The following QSOX2 variants were observed in gnomAD, a reference collection of about 807,000 sequenced individuals.
QSOX2 encodes sulfhydryl oxidase 2.
Under a neutral mutation model 61.7 loss-of-function variants are expected in QSOX2, and 46 were observed. The ratio of observed to expected loss-of-function variants is 0.75; its 90% confidence interval spans 0.59 to 0.95. The LOEUF is 0.95. QSOX2 is among the 40% of genes least tolerant of loss of function. QSOX2 has a pLI of 0.00. For synonymous variants in QSOX2, 383 were observed against 388.4 expected, an observed-to-expected ratio of 0.99 and a Z score of 0.16; for missense variants, 879 against 918.9, an observed-to-expected ratio of 0.96 and a Z score of 0.56.
rs1554756768 is a variant in QSOX2 at position 136,223,986 on chromosome 9, C to A, written c.584+21G>T. ...AGTTCAACACGAGTCTAACGGCCGC[C>A]TTCTTCATGGAGCTACTCACTGAAT... On this transcript the variant is annotated intron_variant, in intron 4 of 11. Transcript: ENST00000358701. This position sits in a 1 kb window ranked among gnomAD's most constrained non-coding sequence, Gnocchi z 4.4. The A allele has an allele frequency of 6.2e-7, 1 of 1,606,640 alleles. No individual in the cohort carries two copies. The highest frequency in any genetic ancestry group is 8.5e-7 in the Non-Finnish European group (1 of 1,173,704).
chr9:136,216,498 C>A (rs540659633), intron 9 of QSOX2, 102 bp downstream of exon 9: 133 of 1,486,720 alleles, frequency 8.9e-5, no homozygotes, highest in African/African-American at 3.3e-4. Context: ...TTCCTCACAG[C>A]GGAGCCCGGG....
Position 136,245,452 on chromosome 9 carries a change from TC to T in QSOX2, c.328+23del, listed in dbSNP as rs1564300470. The T allele has an allele frequency of 1.9e-6, 3 of 1,554,720 alleles. No homozygotes were observed. The African/African-American group carries it at 4.2e-5, about 22-fold the overall frequency. Reference sequence around the variant, plus strand: ...GGCCGCGGTCCCGGGGGTCGGGGGGTCCCCGCGCGGGGGCGCGCCTCACCTC... The same window carrying T: ...GGCCGCGGTCCCGGGGGTCGGGGGGTCCCGCGCGGGGGCGCGCCTCACCTC... On this transcript the variant is annotated intron_variant, in intron 1 of 11. Transcript: ENST00000358701.
intron 3 of QSOX2, among the ~76,000 whole-genome samples, chr9:136,224,388 T>C (rs1027298720): frequency 7.2e-5 from 11 of 152,122 alleles, no homozygotes; most frequent in African/African-American, 2.4e-4. Context: ...GACACGGCAC[T>C]GCGAGGAGCA....
rs1002124914 is a variant in QSOX2, at chr9:136,208,380, C to T, written c.*348G>A. The T allele has an allele frequency of 4.5e-5, 8 of 179,568 alleles. No individual in the cohort carries two copies. The highest frequency in any genetic ancestry group is 1.9e-4 in the African/African-American group (8 of 42,102). 11.1% of individuals were successfully genotyped at this position (179,568 alleles called of 1,614,324 possible). A position where few individuals can be genotyped will look rare whatever the true frequency, so the allele number is the denominator to read the frequency against. On this transcript the variant is annotated 3_prime_UTR_variant, in exon 12 of 12. Coordinates refer to ENST00000358701, the MANE Select transcript of QSOX2 (RefSeq NM_181701.4). Reference sequence around the variant, plus strand: ...GCAGGATGGGGCGGAGTGGAGGAAACGAGATGAAAGTGTGTGGGGAAGACT... The same window carrying T: ...GCAGGATGGGGCGGAGTGGAGGAAATGAGATGAAAGTGTGTGGGGAAGACT...
intron 6 of QSOX2, among the ~76,000 whole-genome samples, chr9:136,220,399 C>A (rs1020549776): frequency 1.3e-5 from 2 of 152,238 alleles, no homozygotes; most frequent in African/African-American, 4.8e-5. Context: ...ATGCCCCAGT[C>A]GATCTTTGAG....
chr9:136,227,866 C>T (rs151075544), intron 1 of QSOX2, among the ~76,000 whole-genome samples: 1 of 152,170 alleles, frequency 6.6e-6, no homozygotes, highest in Non-Finnish European at 1.5e-5. Context: ...GCGGTCCCAG[C>T]TACTGGAGAG....
At position 136,210,501 on chromosome 9, in the gene QSOX2, C is replaced by G. The variant is rs927654934; in HGVS notation, c.1549+763G>C. The G allele has an allele frequency of 3.0e-6, 3 of 985,284 alleles. No homozygotes were observed. In the African/African-American group the frequency reaches 5.2e-5, roughly 17 times the overall value. The allele number at this position is 985,284 out of a possible 1,614,324, so 61.0% of individuals were successfully genotyped here. On this transcript the variant is annotated intron_variant, in intron 11 of 11. Transcript: ENST00000358701. Reference sequence around the variant, plus strand: ...AAAGCACAGGGAGCTCTGTGGGCGGCGGCGATGCAGAGGCTGCCAGGGCGG... The same window carrying G: ...AAAGCACAGGGAGCTCTGTGGGCGGGGGCGATGCAGAGGCTGCCAGGGCGG...
intron 1 of QSOX2, among the ~76,000 whole-genome samples, chr9:136,237,497 ACACCTGGAGCCCGTCCTGTGCCG>A (rs1830396781): frequency 3.2e-5 from 2 of 63,132 alleles, no homozygotes; most frequent in Admixed American, 4.6e-4. Context: ...TGTGCCGGCG[ACACCTGGAGCCCGTCCTGTGCCG>A]GCGACACCTG....
chr9:136,219,014 C>G lies in QSOX2; in HGVS notation c.956+16G>C, dbSNP rs765792193. 6.8e-6 allele frequency: 11 copies of G among 1,613,680 alleles called. No individual in the cohort carries two copies. The Admixed American group carries it at 1.8e-4, about 27-fold the overall frequency. On this transcript the variant is annotated intron_variant, in intron 7 of 11. Coordinates refer to ENST00000358701, the MANE Select transcript of QSOX2 (RefSeq NM_181701.4). ...CGCACTGTCTCCGGGGGCTTCAGTTCAAGAGGAACACTTGCTTGTCAAATT... is the reference window on the plus strand; with the variant it reads ...CGCACTGTCTCCGGGGGCTTCAGTTGAAGAGGAACACTTGCTTGTCAAATT...
rs561233389 is a variant in QSOX2 at position 136,224,932 on chromosome 9, A to T, written c.430-23T>A. 1.3e-4 allele frequency: 211 copies of T among 1,587,774 alleles called. 1 individual carries two copies. The South Asian group carries it at 2.3e-3, about 17-fold the overall frequency. ...ATACTAAGAGGAAAAACACAGAACA[A>T]GTAAGAGGCAGCCTTCCATGGGCAT... On this transcript the variant is annotated intron_variant, in intron 2 of 11. Transcript: ENST00000358701.
Position 136,223,886 on chromosome 9 carries a change from C to A in QSOX2, c.585-33G>T, listed in dbSNP as rs570502749. ...GAGGAAAAAAAGAGGCTTTTAGTGC[C>A]GTCAACAGCAGCGAGTTGGCCACCA... On this transcript the variant is annotated intron_variant, in intron 4 of 11. Transcript: ENST00000358701. The surrounding 1 kb of genome is among the most constrained non-coding windows in gnomAD (Gnocchi z 4.4). The A allele has an allele frequency of 1.5e-5, 24 of 1,603,894 alleles. No individual in the cohort carries two copies. The highest frequency in any genetic ancestry group is 1.5e-5 in the Non-Finnish European group (18 of 1,171,410).
chr9:136,218,177 C>T (rs1402196709), intron 8 of QSOX2, among the ~76,000 whole-genome samples: 2 of 152,188 alleles, frequency 1.3e-5, no homozygotes, highest in Non-Finnish European at 2.9e-5. Context: ...CTCCTGGCGA[C>T]CCCCTCAGTG....
chr9:136,225,965 G>A (rs767783025), intron 2 of QSOX2, among the ~76,000 whole-genome samples: 8 of 152,254 alleles, frequency 5.3e-5, no homozygotes, highest in East Asian at 1.9e-4. Flanking sequence ...CACAGGCCCC[G>A]AGAGGCCCTG....
intron 1 of QSOX2, among the ~76,000 whole-genome samples, chr9:136,235,592 G>A (rs937074290): frequency 7.2e-5 from 11 of 152,248 alleles, no homozygotes; most frequent in Admixed American, 5.9e-4. Context: ...ACTGATGTGC[G>A]TGGAGAACTC....
At position 136,216,635 on chromosome 9, in the gene QSOX2, T is replaced by G; in HGVS notation, c.1174A>C (p.Asn392His). 1 of 1,613,910 alleles carries G rather than the reference T, an allele frequency of 6.2e-7. No homozygotes were observed. ...ASLPLDRIPY[N>H]AVLDLVNNKM... is the part of the protein sequence containing the mutation. ...TTGTTGACCAGGTCAAGCACGGCGT[T>G]GTAGGGGATCCTGTCCAGGGGAAGG... is the stretch of plus-strand genomic sequence containing the variant. Residue 392 changes from asparagine (N) to histidine (H), a missense_variant, in exon 9 of 12, where the codon AAC becomes CAC. By Grantham distance (68) the Asn-to-His change is moderately conservative (BLOSUM62 1). Coordinates refer to ENST00000358701, the MANE Select transcript of QSOX2 (RefSeq NM_181701.4).
At chr9:136,225,731 C>T (rs1830274228) in intron 2 of QSOX2, among the ~76,000 whole-genome samples, 1 of 152,260 alleles carries the variant, frequency 6.6e-6, no homozygotes, top group Non-Finnish European at 1.5e-5. Context: ...TGGAAGAGCC[C>T]ACACACCTGG....
intron 10 of QSOX2, among the ~76,000 whole-genome samples, chr9:136,213,514 TC>T (rs1045595597): frequency 1.3e-5 from 2 of 151,968 alleles, no homozygotes; most frequent in Non-Finnish European, 2.9e-5. Context: ...AACATACTAC[TC>T]TTTTTTTCTG....
chr9:136,242,776 C>T (rs1259596498), intron 1 of QSOX2, among the ~76,000 whole-genome samples: 1 of 152,250 alleles, frequency 6.6e-6, no homozygotes, highest in Non-Finnish European at 1.5e-5. Context: ...AGAGTCCCAG[C>T]CTTAGAACAG....
intron 1 of QSOX2, among the ~76,000 whole-genome samples, chr9:136,229,699 G>A (rs575384777): frequency 7.2e-5 from 11 of 152,168 alleles, no homozygotes; most frequent in Admixed American, 2.6e-4. Flanking sequence ...TGGTTTTCAC[G>A]GTGGGATCTG....
Sources: gnomAD v4.1 joint callset for allele counts (sites outside exome capture counted in the v4.1 genomes callset) on GRCh38, gnomAD v4.1.1 for gene constraint, Gnocchi (gnomAD v3.1) non-coding constraint, MANE v1.5 for transcripts, NCBI Gene and HGNC (gene_info 2026-07-23, HGNC 2026-07-21) for gene names.